The following PARD3 variants were observed in gnomAD, a reference collection of about 807,000 sequenced individuals.
The protein encoded by PARD3 is partitioning defective 3 homolog.
A neutral mutation model predicts 155.4 loss-of-function variants in PARD3; 75 were observed. That is an observed-to-expected ratio of 0.48 (90% CI 0.40 to 0.58). The LOEUF (loss-of-function observed/expected upper bound fraction) is 0.58. Among genes scored for constraint, PARD3 ranks in the 20% least tolerant of loss-of-function variants. The probability of loss-of-function intolerance (pLI) is 0.00; values close to 1 mark genes in which losing one functional copy is unlikely to be tolerated. For synonymous variants in PARD3, 576 were observed against 610.5 expected, an observed-to-expected ratio of 0.94 and a Z score of 0.83; for missense variants, 1,642 against 1,721.7, an observed-to-expected ratio of 0.95 and a Z score of 0.82.
At chr10:34,715,522 C>T (rs1467514841) in intron 1 of PARD3, among the ~76,000 whole-genome samples, 1 of 152,188 alleles carries the variant, frequency 6.6e-6, no homozygotes, top group Non-Finnish European at 1.5e-5. Flanking sequence ...AAAGCCATCC[C>T]TACCCCTTCC....
At chr10:34,123,308 G>A (rs1294322635) in intron 23 of PARD3, among the ~76,000 whole-genome samples, 1 of 151,956 alleles carries the variant, frequency 6.6e-6, no homozygotes, top group Admixed American at 6.6e-5. Context: ...TTTTTTGTAA[G>A]TGGACTACAA....
chr10:34,510,572 C>G (rs910626047), intron 3 of PARD3, among the ~76,000 whole-genome samples: 1 of 151,988 alleles, frequency 6.6e-6, no homozygotes, highest in African/African-American at 2.4e-5. Context: ...AATATTCAAG[C>G]CTAAAAAAGA....
Position 34,470,830 on chromosome 10 carries a change from C to T in PARD3, c.404-567G>A, listed in dbSNP as rs1441832835. ...AAAAACACAGAATCTATATAGTTAACAAATAATTTATTGTATATTTCAAAG... is the reference window on the plus strand; with the variant it reads ...AAAAACACAGAATCTATATAGTTAATAAATAATTTATTGTATATTTCAAAG... On this transcript the variant is annotated intron_variant, in intron 3 of 24. Coordinates refer to ENST00000374788, the MANE Select transcript of PARD3 (RefSeq NM_001184785.2). 2.6e-5 allele frequency among the ~76,000 whole-genome samples: 4 copies of T among 151,950 alleles called. No individual in the cohort carries two copies. In the East Asian group the frequency reaches 7.7e-4, roughly 29 times the overall value.
intron 2 of PARD3, among the ~76,000 whole-genome samples, chr10:34,606,966 A>AT (rs1491284256): frequency 1.5e-4 from 2 of 13,502 alleles, no homozygotes; most frequent in Admixed American, 1.6e-3. Flanking sequence ...ACTCTGTCTT[A>AT]AAAAAAAAAA....
intron 1 of PARD3, among the ~76,000 whole-genome samples, chr10:34,787,566 A>C (rs963558916): frequency 2.0e-5 from 3 of 152,196 alleles, no homozygotes; most frequent in Non-Finnish European, 4.4e-5. Context: ...TTTGAGCAGC[A>C]GCACAAACAA....
chr10:34,758,419 CAA>C (rs754716271), intron 1 of PARD3, among the ~76,000 whole-genome samples: 7 of 152,150 alleles, frequency 4.6e-5, no homozygotes, highest in Non-Finnish European at 8.8e-5. Context: ...AGCATTATTC[CAA>C]AGTCTTTCCA....
rs775880248 is a variant in PARD3 at position 34,360,266 on chromosome 10, G to A, written c.1708-7C>T. ...TATCCTCATCTTCTGCTTTCTAATAGGGAACAAAATTGCACAGCACATTAT... is the reference window on the plus strand; with the variant it reads ...TATCCTCATCTTCTGCTTTCTAATAAGGAACAAAATTGCACAGCACATTAT... On this transcript the variant is annotated splice_region_variant and splice_polypyrimidine_tract_variant and intron_variant, in intron 12 of 24. Coordinates refer to ENST00000374788, the MANE Select transcript of PARD3 (RefSeq NM_001184785.2). The A allele has an allele frequency of 2.5e-6, 4 of 1,605,612 alleles. No individual in the cohort carries two copies. Among genetic ancestry groups the A allele is most frequent in the African/African-American group, 2.7e-5 (2 of 74,762 alleles).
At chr10:34,246,693 G>T (rs779818042) in intron 22 of PARD3, among the ~76,000 whole-genome samples, 1 of 149,174 alleles carries the variant, frequency 6.7e-6, no homozygotes, top group Non-Finnish European at 1.5e-5. Context: ...AATACCAGGC[G>T]GCCGTAAGAT....
chr10:34,344,501 T>TA (rs1226998943), intron 15 of PARD3: 2 of 759,580 alleles, frequency 2.6e-6, no homozygotes, highest in Non-Finnish European at 3.2e-6. Context: ...AGGCTGGTCT[T>TA]AAACTCCTGA....
intron 5 of PARD3, among the ~76,000 whole-genome samples, chr10:34,426,334 A>G (rs567247065): frequency 6.6e-6 from 1 of 152,352 alleles, no homozygotes; most frequent in South Asian, 2.1e-4. Flanking sequence ...CGTTACTCAT[A>G]GCATTTTCAA....
chr10:34,461,568 T>C (rs1416047834), intron 4 of PARD3, among the ~76,000 whole-genome samples: 1 of 152,162 alleles, frequency 6.6e-6, no homozygotes, highest in Non-Finnish European at 1.5e-5. Flanking sequence ...ATCACACCAC[T>C]GCATTCCAGC....
intron 22 of PARD3, among the ~76,000 whole-genome samples, chr10:34,183,965 C>T (rs1008741841): frequency 1.1e-4 from 17 of 152,250 alleles, no homozygotes; most frequent in East Asian, 5.8e-4. Context: ...TATAGGTGTG[C>T]GCCATCATGG....
chr10:34,630,763 G>T (rs1208066804), intron 2 of PARD3, among the ~76,000 whole-genome samples: 1 of 151,784 alleles, frequency 6.6e-6, no homozygotes, highest in Admixed American at 6.6e-5. Context: ...CCAAGGCTGT[G>T]CTAGGAGGAG....
At chr10:34,165,528 G>C (rs1027480878) in intron 22 of PARD3, among the ~76,000 whole-genome samples, 7 of 152,152 alleles carry the variant, frequency 4.6e-5, no homozygotes, top group African/African-American at 1.7e-4. Context: ...AGGAAAAACC[G>C]CTTTGTTCTT....
At chr10:34,289,564 G>T (rs1956576090) in intron 20 of PARD3, among the ~76,000 whole-genome samples, 1 of 152,054 alleles carries the variant, frequency 6.6e-6, no homozygotes, top group South Asian at 2.1e-4. Flanking sequence ...TGAGATAAAT[G>T]AAAAATTGCT....
chr10:34,771,689 T>A (rs1440572447), intron 1 of PARD3, among the ~76,000 whole-genome samples: 4 of 152,196 alleles, frequency 2.6e-5, no homozygotes, highest in African/African-American at 9.6e-5. Flanking sequence ...TGGTGGTGTA[T>A]CTTATGAAGC....
intron 2 of PARD3, among the ~76,000 whole-genome samples, chr10:34,553,884 C>T (rs1053642182): frequency 5.3e-5 from 8 of 152,158 alleles, no homozygotes; most frequent in African/African-American, 1.7e-4. Flanking sequence ...CATCTTGAGG[C>T]TCTGATAAGG....
intron 2 of PARD3, among the ~76,000 whole-genome samples, chr10:34,605,673 CTATATATATATATCTCCTA>C (rs2090273240): frequency 1.9e-5 from 1 of 52,490 alleles, no homozygotes; most frequent in Admixed American, 2.3e-4. Context: ...TATATATCTC[CTATATATATATATCTCCTA>C]TATATATATA....
At chr10:34,792,083 A>G (rs984858499) in intron 1 of PARD3, among the ~76,000 whole-genome samples, 1 of 151,988 alleles carries the variant, frequency 6.6e-6, no homozygotes, top group Non-Finnish European at 1.5e-5. Flanking sequence ...GCTTGCTCAG[A>G]TATGCGCCCT....
Sources: allele counts gnomAD v4.1 joint callset (sites outside exome capture counted in the v4.1 genomes callset), GRCh38; gene constraint gnomAD v4.1.1; transcripts MANE v1.5; gene names NCBI Gene and HGNC (gene_info 2026-07-23, HGNC 2026-07-21).